Variants in BMP5 observed in about 807,000 individuals in gnomAD.
BMP5 encodes bone morphogenetic protein 5.
BMP5 carries 23 observed loss-of-function variants against 46.6 expected under a neutral mutation model. That is an observed-to-expected ratio of 0.49 (90% CI 0.35 to 0.70). BMP5 has a LOEUF of 0.70. Among genes scored for constraint, BMP5 ranks in the 30% least tolerant of loss-of-function variants. The pLI is 0.00. For missense variants in BMP5, 545 were observed against 565.6 expected (o/e 0.96, Z 0.37); for synonymous variants, 204 against 191.9 (o/e 1.06, Z -0.52).
At chr6:55,850,354 G>GTAGATAGATAGATAGA (rs57677270) in intron 1 of BMP5, among the ~76,000 whole-genome samples, 7 of 83,186 alleles carry the variant, frequency 8.4e-5, no homozygotes, top group East Asian at 4.7e-4. Flanking sequence ...AGGTAAGTAG[G>GTAGATAGATAGATAGA]TAGATAGATA....
At chr6:55,778,972 A>G (rs1775243386) in intron 3 of BMP5, among the ~76,000 whole-genome samples, 1 of 152,046 alleles carries the variant, frequency 6.6e-6, no homozygotes. Context: ...AGTCACAGGG[A>G]AGGTAGACTG....
intron 2 of BMP5, among the ~76,000 whole-genome samples, chr6:55,796,746 C>T (rs899151997): frequency 6.9e-6 from 1 of 145,834 alleles, no homozygotes; most frequent in Non-Finnish European, 1.5e-5. Context: ...TGAGAATATG[C>T]GGTGTTTGGT....
At chr6:55,818,545 T>G (rs974696516) in intron 2 of BMP5, among the ~76,000 whole-genome samples, 62 of 152,250 alleles carry the variant, frequency 4.1e-4, no homozygotes, top group African/African-American at 1.5e-3. Context: ...TGATTTAAAA[T>G]AAAAAATTTT....
At chr6:55,764,503 GC>G (rs1774870728) in intron 4 of BMP5, among the ~76,000 whole-genome samples, 1 of 151,588 alleles carries the variant, frequency 6.6e-6, no homozygotes, top group African/African-American at 2.4e-5. Flanking sequence ...AACCCGGGAG[GC>G]GGAGCTTGCA....
At chr6:55,871,211 A>G (rs1249504575) in intron 1 of BMP5, among the ~76,000 whole-genome samples, 2 of 151,876 alleles carry the variant, frequency 1.3e-5, no homozygotes, top group Non-Finnish European at 3.0e-5. Flanking sequence ...TGACAAAGAG[A>G]TGGTTAAAAA....
At chr6:55,807,221 T>C (rs577239233) in intron 2 of BMP5, among the ~76,000 whole-genome samples, 46 of 152,276 alleles carry the variant, frequency 3.0e-4, no homozygotes, top group African/African-American at 1.1e-3. Context: ...TAAATAGCTC[T>C]TATTATTTTG....
chr6:55,760,825 T>C (rs934674082), intron 4 of BMP5, among the ~76,000 whole-genome samples: 2 of 152,006 alleles, frequency 1.3e-5, no homozygotes, highest in Non-Finnish European at 2.9e-5. Context: ...CTGTCGTTCA[T>C]TGAGTACCAT....
intron 1 of BMP5, among the ~76,000 whole-genome samples, chr6:55,863,440 A>G (rs758722977): frequency 1.3e-5 from 2 of 152,190 alleles, no homozygotes; most frequent in Non-Finnish European, 2.9e-5. Context: ...TACCCTCAGA[A>G]CACCCTCAAT....
intron 2 of BMP5, among the ~76,000 whole-genome samples, chr6:55,816,930 T>C (rs1392217106): frequency 1.3e-5 from 2 of 151,878 alleles, no homozygotes; most frequent in South Asian, 4.1e-4. Context: ...TATCAACAAG[T>C]GGGCGAAGGA....
In BMP5 at chr6:55,819,865, G is replaced by T. The variant is rs779272742; in HGVS notation, c.491-18C>A. On this transcript the variant is annotated intron_variant, in intron 1 of 6. Coordinates refer to ENST00000370830, the MANE Select transcript of BMP5 (RefSeq NM_021073.4). ...TCTTTCAACTGAAAAAATAAAGGGG[G>T]TTGAGGGGGAAAAAAGTTAGTCTTT... 6.2e-7 allele frequency: 1 copy of T among 1,603,768 alleles called. No homozygotes were observed. Among genetic ancestry groups the T allele is most frequent in the Admixed American group, 1.7e-5 (1 of 59,836 alleles).
chr6:55,849,618 A>G lies in BMP5; in HGVS notation c.490+24758T>C, dbSNP rs112267526. Among the ~76,000 whole-genome samples, 458 of 152,102 alleles carry G rather than the reference A, an allele frequency of 3.0e-3. 2 individuals carry two copies. Among genetic ancestry groups the G allele is most frequent in the Admixed American group, 5.1e-3 (77 of 15,244 alleles). ...GCAGGAAGAGTTAGGAAAAATGTAAAAGGGCTAGCCAAAATAGATATTATT... is the reference window on the plus strand; with the variant it reads ...GCAGGAAGAGTTAGGAAAAATGTAAGAGGGCTAGCCAAAATAGATATTATT... On this transcript the variant is annotated intron_variant, in intron 1 of 6. Coordinates refer to ENST00000370830, the MANE Select transcript of BMP5 (RefSeq NM_021073.4).
chr6:55,855,400 G>A (rs1458917798), intron 1 of BMP5, among the ~76,000 whole-genome samples: 2 of 151,832 alleles, frequency 1.3e-5, no homozygotes, highest in African/African-American at 4.8e-5. Flanking sequence ...AAAAAAAAGG[G>A]GGGGGATTTT....
intron 1 of BMP5, among the ~76,000 whole-genome samples, chr6:55,836,235 C>A (rs1215374376): frequency 6.6e-6 from 1 of 152,026 alleles, no homozygotes; most frequent in Admixed American, 6.6e-5. Context: ...TTATTAAGTA[C>A]TATATAAAAA....
intron 5 of BMP5, among the ~76,000 whole-genome samples, chr6:55,759,386 C>G (rs1189663232): frequency 6.6e-6 from 1 of 151,462 alleles, no homozygotes; most frequent in African/African-American, 2.4e-5. Flanking sequence ...TAATTACTCC[C>G]AAGGGGTAGT....
chr6:55,861,841 C>A (rs1250141146), intron 1 of BMP5, among the ~76,000 whole-genome samples: 1 of 152,200 alleles, frequency 6.6e-6, no homozygotes. Context: ...AACACAGCAG[C>A]CTTCTCAATA....
chr6:55,770,964 C>T lies in BMP5; in HGVS notation c.1027+3085G>A, dbSNP rs1325831938. Among the ~76,000 whole-genome samples the T allele has an allele frequency of 4.6e-5, 7 of 151,628 alleles. No homozygotes were observed. The East Asian group carries it at 1.4e-3, about 29-fold the overall frequency. ...ATCAAAGATCACTGATAACATAAAC[C>T]ATAACAAATATAATAATAACAGTAA... is the stretch of plus-strand genomic sequence containing the variant. On this transcript the variant is annotated intron_variant, in intron 4 of 6. Transcript: ENST00000370830.
rs181180749 is a variant in BMP5 at position 55,779,490 on chromosome 6, A to G, written c.833-5247T>C. ...ATTAACTTTGATTCTGGTACTGTGA[A>G]ATTATGGATTATATGACTCTAAATT... On this transcript the variant is annotated intron_variant, in intron 3 of 6. Transcript: ENST00000370830. Among the ~76,000 whole-genome samples, 788 of 152,130 alleles carry G rather than the reference A, an allele frequency of 5.2e-3. 7 individuals carry two copies. Among genetic ancestry groups the G allele is most frequent in the South Asian group, 0.041 (198 of 4,820 alleles).
intron 1 of BMP5, chr6:55,865,347 A>C: frequency 2.2e-6 from 1 of 455,480 alleles, no homozygotes. Context: ...AAGCAAGGAA[A>C]TGGAACAGGT....
intron 1 of BMP5, among the ~76,000 whole-genome samples, chr6:55,872,480 A>T (rs1262928009): frequency 6.6e-6 from 1 of 151,644 alleles, no homozygotes; most frequent in Non-Finnish European, 1.5e-5. Context: ...TTATAATCTG[A>T]ACAATGTAAC....
Sources: gnomAD v4.1 joint callset for allele counts (sites outside exome capture counted in the v4.1 genomes callset) on GRCh38, gnomAD v4.1.1 for gene constraint, MANE v1.5 for transcripts, NCBI Gene and HGNC (gene_info 2026-07-23, HGNC 2026-07-21) for gene names.